Variants in TSPYL1 observed in about 807,000 individuals in gnomAD.
TSPYL1 encodes the protein TSPY like 1.
A neutral mutation model predicts 20.1 loss-of-function variants in TSPYL1; 16 were observed. The ratio of observed to expected loss-of-function variants is 0.80; its 90% CI spans 0.54 to 1.21. The LOEUF (loss-of-function observed/expected upper bound fraction) is 1.21, where lower values mean the gene tolerates loss of function less well. Ranked by LOEUF, TSPYL1 falls within the 50% of genes most tolerant of loss-of-function variation. The probability of loss-of-function intolerance (pLI) is 0.00; values close to 1 mark genes in which losing one functional copy is unlikely to be tolerated. For synonymous variants in TSPYL1, 259 were observed against 227.1 expected, an observed-to-expected ratio of 1.14 and a Z score of -1.26; for missense variants, 560 against 569.3, an observed-to-expected ratio of 0.98 and a Z score of 0.17.
rs1163309251 is a variant in TSPYL1 at position 116,279,902 on chromosome 6, G to C, written c.-72C>G. 8.8e-6 allele frequency: 14 copies of C among 1,597,646 alleles called. No homozygotes were observed. The East Asian group carries it at 3.1e-4, about 36-fold the overall frequency. ...GAGGCCGAACTGGGAGCTAACCGCC[G>C]CTCGCACCGCCCACCCTACAGTCTC... is the stretch of plus-strand genomic sequence containing the variant. On this transcript the variant is annotated 5_prime_UTR_variant, in exon 1 of 1. Transcript: ENST00000368608.
rs150144081 is a variant in TSPYL1, at chr6:116,279,116, G to A, written c.715C>T (p.Leu239=). The A allele has an allele frequency of 2.9e-5, 47 of 1,614,028 alleles. No individual in the cohort carries two copies. Among genetic ancestry groups the A allele is most frequent in the Non-Finnish European group, 3.8e-5 (45 of 1,180,054 alleles). ...MDPLEAIQLE[L]DTVNAQADRA... is the part of the protein sequence containing the mutation. ...TCGGCCTGAGCATTCACAGTGTCCA[G>A]TTCCAGCTGGATGGCCTCCAGAGGG... The change falls in exon 1 of 1, where the codon CTG becomes TTG. Residue 239 remains leucine (L), a synonymous_variant. Coordinates refer to ENST00000368608, the MANE Select transcript of TSPYL1 (RefSeq NM_003309.4).
rs1773188380 is a variant in TSPYL1, at chr6:116,277,278, C to CT, written c.*1238dup. 6.5e-6 allele frequency: 1 copy of CT among 152,686 alleles called. No homozygotes were observed. Among genetic ancestry groups the CT allele is most frequent in the African/African-American group, 2.4e-5 (1 of 41,458 alleles). The allele number at this position is 152,686 out of a possible 1,614,324, so 9.5% of individuals were successfully genotyped here. A position where few individuals can be genotyped will look rare whatever the true frequency, so the allele number is the denominator to read the frequency against. ...CCTTGTCTAGGCAACATATTTAACA[C>CT]TTTAACCCCTTCAATTCTCCCTGAA... On this transcript the variant is annotated 3_prime_UTR_variant, in exon 1 of 1. Coordinates refer to ENST00000368608, the MANE Select transcript of TSPYL1 (RefSeq NM_003309.4).
In TSPYL1 at chr6:116,278,971, G is replaced by A; in HGVS notation, c.860C>T (p.Pro287Leu). The A allele has an allele frequency of 6.2e-7, 1 of 1,614,074 alleles. No homozygotes were observed. Among genetic ancestry groups the A allele is most frequent in the Non-Finnish European group, 8.5e-7 (1 of 1,180,024 alleles). Residue 287 changes from proline to leucine, a missense_variant, in exon 1 of 1, where the codon CCC becomes CTC. Transcript: ENST00000368608. ...GCCCCTAATCATGGCGGACAACTGG[G>A]GGTGGTTTCGAAAAGCAGTCATCCA... The part of the protein sequence containing the change: ...GFWMTAFRNH[P>L]QLSAMIRGQD...
chr6:116,279,911 G>T lies in TSPYL1; in HGVS notation c.-81C>A. On this transcript the variant is annotated 5_prime_UTR_variant, in exon 1 of 1. Transcript: ENST00000368608. The stretch of plus-strand genomic sequence containing the variant: ...CTGGGAGCTAACCGCCGCTCGCACC[G>T]CCCACCCTACAGTCTCACTAACATT... The T allele has an allele frequency of 6.3e-7, 1 of 1,578,506 alleles. No homozygotes were observed.
rs750066042 is a variant in TSPYL1 at position 116,279,684 on chromosome 6, C to A, written c.147G>T (p.Pro49=). The change falls in exon 1 of 1, where the codon CCG becomes CCT. Residue 49 remains proline, a synonymous_variant. Transcript: ENST00000368608. Reference sequence around the variant, plus strand: ...CGACGGTCTCCGAGCCTCCCTCACCCGGCTCCGCCATCACCTGTGTCGCCT... The same window carrying A: ...CGACGGTCTCCGAGCCTCCCTCACCAGGCTCCGCCATCACCTGTGTCGCCT... ...QSEATQVMAE[P]GEGGSETVAL... The A allele has an allele frequency of 2.5e-6, 4 of 1,609,776 alleles. No individual in the cohort carries two copies. The Admixed American group carries it at 6.7e-5, about 27-fold the overall frequency.
In TSPYL1 at chr6:116,279,890, G is replaced by T; in HGVS notation, c.-60C>A. ...CCGTTTTCCTCAGAGGCCGAACTGG[G>T]AGCTAACCGCCGCTCGCACCGCCCA... On this transcript the variant is annotated 5_prime_UTR_variant, in exon 1 of 1. Coordinates refer to ENST00000368608, the MANE Select transcript of TSPYL1 (RefSeq NM_003309.4). 1.9e-6 allele frequency: 3 copies of T among 1,610,728 alleles called. No individual in the cohort carries two copies. The highest frequency in any genetic ancestry group is 1.1e-5 in the South Asian group (1 of 90,872).
Position 116,276,661 on chromosome 6 carries a change from TTTAA to T in TSPYL1, c.*1852_*1855del, listed in dbSNP as rs1773157219. Reference sequence around the variant, plus strand: ...AAAGGACTTTAATGATTCCATAATTTTTAATTAATATGAACAACTTCATTCAAGC... The same window carrying T: ...AAAGGACTTTAATGATTCCATAATTTTTAATATGAACAACTTCATTCAAGC... On this transcript the variant is annotated 3_prime_UTR_variant, in exon 1 of 1. Transcript: ENST00000368608. The T allele has an allele frequency of 6.6e-6, 1 of 152,188 alleles. No homozygotes were observed. Among genetic ancestry groups the T allele is most frequent in the African/African-American group, 2.4e-5 (1 of 41,434 alleles). The allele number at this position is 152,188 out of a possible 1,614,324, so 9.4% of individuals were successfully genotyped here. A position where few individuals can be genotyped will look rare whatever the true frequency, so the allele number is the denominator to read the frequency against.
rs953990135 is a variant in TSPYL1, at chr6:116,274,975, T to C, written c.*3542A>G. 1.3e-5 allele frequency among the ~76,000 whole-genome samples: 2 copies of C among 152,228 alleles called. No individual in the cohort carries two copies. Among genetic ancestry groups the C allele is most frequent in the African/African-American group, 4.8e-5 (2 of 41,466 alleles). ...ATTTACTAGTAGCCACATTAAACAA[T>C]GGCAAAATGAGGATAATTAATTTTT... On this transcript the variant is annotated 3_prime_UTR_variant, in exon 1 of 1. Coordinates refer to ENST00000368608, the MANE Select transcript of TSPYL1 (RefSeq NM_003309.4).
At position 116,279,108 on chromosome 6, in the gene TSPYL1, A is replaced by C. The variant is rs373867202; in HGVS notation, c.723T>G (p.Thr241=). The part of the protein sequence containing the change: ...PLEAIQLELD[T]VNAQADRAFQ... ...AGGCCCTGTCGGCCTGAGCATTCAC[A>C]GTGTCCAGTTCCAGCTGGATGGCCT... The change falls in exon 1 of 1, where the codon ACT becomes ACG. Residue 241 remains threonine (T), a synonymous_variant. Transcript: ENST00000368608. 6.2e-7 allele frequency: 1 copy of C among 1,613,986 alleles called. No homozygotes were observed. The highest frequency in any genetic ancestry group is 1.1e-5 in the South Asian group (1 of 91,088).
Position 116,275,084 on chromosome 6 carries a change from C to T in TSPYL1, c.*3433G>A, listed in dbSNP as rs6568924. ...TGAGATATTTTAACATTTTTCTTTC[C>T]ATACTGAGTCTTCAAAATCCAGTGT... On this transcript the variant is annotated 3_prime_UTR_variant, in exon 1 of 1. Transcript: ENST00000368608. Among the ~76,000 whole-genome samples, 36,754 of 152,010 alleles carry T rather than the reference C, an allele frequency of 0.24. 5,562 individuals are homozygous for T. The highest frequency in any genetic ancestry group is 0.64 in the East Asian group (3,324 of 5,174).
rs73767709 is a variant in TSPYL1, at chr6:116,276,240, A to G, written c.*2277T>C. Reference sequence around the variant, plus strand: ...AAAGAAAAAAAGGAAGTTTTTACAGATGAGAAAGTATGAAAATAGAGGAGT... The same window carrying G: ...AAAGAAAAAAAGGAAGTTTTTACAGGTGAGAAAGTATGAAAATAGAGGAGT... On this transcript the variant is annotated 3_prime_UTR_variant, in exon 1 of 1. Transcript: ENST00000368608. Among the ~76,000 whole-genome samples the G allele has an allele frequency of 6.6e-6, 1 of 152,204 alleles. No homozygotes were observed. The highest frequency in any genetic ancestry group is 2.4e-5 in the African/African-American group (1 of 41,438).
rs1773332310 is a variant in TSPYL1, at chr6:116,279,281, CCTT to C, written c.547_549del (p.Lys183del). 8 of 1,572,244 alleles carry C rather than the reference CCTT, an allele frequency of 5.1e-6. No homozygotes were observed. Among genetic ancestry groups the C allele is most frequent in the Admixed American group, 1.8e-5 (1 of 55,852 alleles). ...ACCTCCATCTGCTCCTCCATTACCT[CCTT>C]CTCCGCCAGGCCTTCCTTCACCACC... On this transcript the variant is annotated inframe_deletion, in exon 1 of 1. Coordinates refer to ENST00000368608, the MANE Select transcript of TSPYL1 (RefSeq NM_003309.4).
rs1467619486 is a variant in TSPYL1 at position 116,279,747 on chromosome 6, C to G, written c.84G>C (p.Gln28His). ...IIISDQVPSD[Q>H]DAHQYLRLRD... ...GGAGCCTCAGGTACTGGTGTGCGTC[C>G]TGGTCGCTCGGGACTTGGTCAGAAA... Residue 28 changes from glutamine to histidine, a missense_variant, in exon 1 of 1, where the codon CAG becomes CAC. Coordinates refer to ENST00000368608, the MANE Select transcript of TSPYL1 (RefSeq NM_003309.4). 6.2e-7 allele frequency: 1 copy of G among 1,612,188 alleles called. No individual in the cohort carries two copies. The highest frequency in any genetic ancestry group is 1.1e-5 in the South Asian group (1 of 91,092).
chr6:116,278,238 A>G lies in TSPYL1; in HGVS notation c.*279T>C. On this transcript the variant is annotated 3_prime_UTR_variant, in exon 1 of 1. Transcript: ENST00000368608. ...AAGCAGTGCAGATAAAGGCAGTACAATCTACAGTATCATTTGCTTGGCTTA... is the reference window on the plus strand; with the variant it reads ...AAGCAGTGCAGATAAAGGCAGTACAGTCTACAGTATCATTTGCTTGGCTTA... The G allele has an allele frequency of 2.3e-6, 1 of 433,096 alleles. No homozygotes were observed. The highest frequency in any genetic ancestry group is 4.3e-6 in the Non-Finnish European group (1 of 231,612). 26.8% of individuals were successfully genotyped at this position (433,096 alleles called of 1,614,324 possible). A position where few individuals can be genotyped will look rare whatever the true frequency, so the allele number is the denominator to read the frequency against.
In TSPYL1 at chr6:116,279,162, C is replaced by A. The variant is rs771047555; in HGVS notation, c.669G>T (p.Leu223Phe). ...EAREEEGPWP[L>F]HEALRMDPLE... is the part of the protein sequence containing the mutation. ...GAGGGTCCATGCGGAGAGCCTCATG[C>A]AAAGGCCAGGGCCCTTCTTCCTCCC... Residue 223 changes from leucine (L) to phenylalanine (F), a missense_variant, in exon 1 of 1, where the codon TTG (leucine) becomes TTT (phenylalanine). Leu to Phe is a conservative substitution (Grantham distance 22). Transcript: ENST00000368608. 3 of 1,613,668 alleles carry A rather than the reference C, an allele frequency of 1.9e-6. No homozygotes were observed. The East Asian group carries it at 6.7e-5, about 36-fold the overall frequency.
chr6:116,279,122 G>T lies in TSPYL1; in HGVS notation c.709C>A (p.Leu237Met). The change falls in exon 1 of 1, where the codon CTG (leucine) becomes ATG (methionine). Residue 237 changes from leucine (L) to methionine (M), a missense_variant. Coordinates refer to ENST00000368608, the MANE Select transcript of TSPYL1 (RefSeq NM_003309.4). ...TGAGCATTCACAGTGTCCAGTTCCA[G>T]CTGGATGGCCTCCAGAGGGTCCATG... ...LRMDPLEAIQ[L>M]ELDTVNAQAD... 1 of 1,614,112 alleles carries T rather than the reference G, an allele frequency of 6.2e-7. No homozygotes were observed. The highest frequency in any genetic ancestry group is 1.1e-5 in the South Asian group (1 of 91,082).
rs1773097737 is a variant in TSPYL1, at chr6:116,275,607, T to C, written c.*2910A>G. On this transcript the variant is annotated 3_prime_UTR_variant, in exon 1 of 1. Transcript: ENST00000368608. ...CGAGGTCAGGAGATGGAGACCATCC[T>C]GGCTAACATGGTGAAACCCCATCTC... Among the ~76,000 whole-genome samples, 2 of 152,190 alleles carry C rather than the reference T, an allele frequency of 1.3e-5. No homozygotes were observed. The highest frequency in any genetic ancestry group is 4.8e-5 in the African/African-American group (2 of 41,454).
chr6:116,278,572 C>A lies in TSPYL1; in HGVS notation c.1259G>T (p.Arg420Leu), dbSNP rs751770322. Residue 420 changes from arginine to leucine, a missense_variant, in exon 1 of 1, where the codon CGC (arginine) becomes CTC (leucine). By Grantham distance (102) the Arg-to-Leu change is moderately radical. Transcript: ENST00000368608. ...GATCTCTACAGGCTCCCTTAGCGGGCGACGTCGGGCTCTACGGACTCCTTC... is the reference window on the plus strand; with the variant it reads ...GATCTCTACAGGCTCCCTTAGCGGGAGACGTCGGGCTCTACGGACTCCTTC... The part of the protein sequence containing the change: ...LREGVRRARR[R>L]PLREPVEIPR... 6.2e-7 allele frequency: 1 copy of A among 1,614,110 alleles called. No individual in the cohort carries two copies. Among genetic ancestry groups the A allele is most frequent in the Middle Eastern group, 1.7e-4 (1 of 6,058 alleles).
In TSPYL1 at chr6:116,276,433, T is replaced by A. The variant is rs1257797620; in HGVS notation, c.*2084A>T. 6.6e-6 allele frequency: 1 copy of A among 152,212 alleles called. No homozygotes were observed. Among genetic ancestry groups the A allele is most frequent in the Non-Finnish European group, 1.5e-5 (1 of 68,030 alleles). The allele number at this position is 152,212 out of a possible 1,614,324, so 9.4% of individuals were successfully genotyped here. On this transcript the variant is annotated 3_prime_UTR_variant, in exon 1 of 1. Coordinates refer to ENST00000368608, the MANE Select transcript of TSPYL1 (RefSeq NM_003309.4). The stretch of plus-strand genomic sequence containing the variant: ...AAGTGATTGAGTAAGCAGTTGCAAC[T>A]GCTAACGTTTTAAGGCAAACTACCT...
Sources: allele counts gnomAD v4.1 joint callset (sites outside exome capture counted in the v4.1 genomes callset), GRCh38; gene constraint gnomAD v4.1.1; transcripts MANE v1.5; gene names NCBI Gene and HGNC (gene_info 2026-07-23, HGNC 2026-07-21).